Variants in NAV1 observed in about 807,000 individuals in gnomAD.
NAV1 encodes the protein pore membrane and/or filament interacting like protein 3.
Under a neutral mutation model 175.2 loss-of-function variants are expected in NAV1, and 18 were observed. The observed-to-expected ratio is 0.10, with a 90% CI of 0.07 to 0.15. The LOEUF (loss-of-function observed/expected upper bound fraction) is 0.15. Among genes scored for constraint, NAV1 ranks in the 10% least tolerant of loss-of-function variants. The pLI, the probability that NAV1 is intolerant of heterozygous loss-of-function variation, is 1.00. For synonymous variants in NAV1, 897 were observed against 978.7 expected, an observed-to-expected ratio of 0.92 and a Z score of 1.56; for missense variants, 1,731 against 2,436.6, an observed-to-expected ratio of 0.71 and a Z score of 6.10.
intron 1 of NAV1, among the ~76,000 whole-genome samples, chr1:201,678,263 C>T (rs1298986017): frequency 6.6e-6 from 1 of 152,230 alleles, no homozygotes; most frequent in Non-Finnish European, 1.5e-5. Context: ...CCTCCTACCT[C>T]TCAACGTAAG....
chr1:201,782,894 C>CACAA lies in NAV1; in HGVS notation c.2357+25_2357+26insACAA. 1.3e-6 allele frequency: 2 copies of CACAA among 1,533,038 alleles called. No homozygotes were observed. Among genetic ancestry groups the CACAA allele is most frequent in the Non-Finnish European group, 1.8e-6 (2 of 1,139,004 alleles). The allele number at this position is 1,533,038 out of a possible 1,614,324, so 95.0% of individuals were successfully genotyped here. A position where few individuals can be genotyped will look rare whatever the true frequency, so the allele number is the denominator to read the frequency against. On this transcript the variant is annotated intron_variant, in intron 6 of 29. Coordinates refer to ENST00000367296, the Ensembl canonical transcript of NAV1. This position sits in a 1 kb window ranked among gnomAD's most constrained non-coding sequence, Gnocchi z 5.4. ...GGTACCCAATGTGGGCAGCCGCCTC[C>CACAA]TTGTCTGTTTGCTTTGTCATTCTTT...
rs898345882 is a variant in NAV1, at chr1:201,623,415, T to C, written c.-292T>C. ...GCTGCCCAGGAAAAGACCAAAGAGATATAAACTACAAAAGTTCTGGGACCC... is the reference window on the plus strand; with the variant it reads ...GCTGCCCAGGAAAAGACCAAAGAGACATAAACTACAAAAGTTCTGGGACCC... On this transcript the variant is annotated 5_prime_UTR_variant, in exon 1 of 30. Transcript: ENST00000367302. 1.0e-5 allele frequency: 10 copies of C among 985,716 alleles called. No individual in the cohort carries two copies. The East Asian group carries it at 1.0e-3, about 101-fold the overall frequency. The allele number at this position is 985,716 out of a possible 1,614,324, so 61.1% of individuals were successfully genotyped here.
At chr1:201,596,033 C>A (rs990364916) in intron 2 of NAV1, among the ~76,000 whole-genome samples, 6 of 152,350 alleles carry the variant, frequency 3.9e-5, no homozygotes, top group African/African-American at 1.4e-4. Context: ...ATCTTAGCGA[C>A]CCCACGTCTT....
intron 20 of NAV1, 90 bp from the exon 25 acceptor site, chr1:201,809,074 C>CA: frequency 2.1e-6 from 3 of 1,402,550 alleles, no homozygotes; most frequent in Non-Finnish European, 2.0e-6. Context: ...CTGTGGCAAA[C>CA]AGAGTTATTT....
chr1:201,803,794 C>G, intron 16 of NAV1, 80 bp downstream of exon 20: 1 of 1,521,004 alleles, frequency 6.6e-7, no homozygotes, highest in Non-Finnish European at 8.9e-7. Flanking sequence ...TCGAATCCTT[C>G]CAGGATTAAC....
At chr1:201,815,841 C>T (rs1009264066) in intron 28 of NAV1, among the ~76,000 whole-genome samples, 1 of 152,062 alleles carries the variant, frequency 6.6e-6, no homozygotes, top group African/African-American at 2.4e-5. Flanking sequence ...CAGGTTCAAG[C>T]GATTCTCCTG....
rs1571855574 is a variant in NAV1, at chr1:201,636,046, G to A, written c.4+6539G>A. Among the ~76,000 whole-genome samples, 3 of 152,364 alleles carry A rather than the reference G, an allele frequency of 2.0e-5. No individual in the cohort carries two copies. The South Asian group carries it at 6.2e-4, about 32-fold the overall frequency. On this transcript the variant is annotated intron_variant, in intron 2 of 29. Transcript: ENST00000367302. ...CTCCCTACTTCTCTGGCCAATCCAG[G>A]TAAGCCTCACCTCCAGTGCAGCTCT... is the stretch of plus-strand genomic sequence containing the variant.
chr1:201,739,702 C>A (rs1187636220), intron 3 of NAV1: 2 of 997,228 alleles, frequency 2.0e-6, no homozygotes, highest in Non-Finnish European at 2.5e-6. Flanking sequence ...TCCGAGGCCA[C>A]CGGAACGGAG....
chr1:201,811,339 C>G (rs563126667), intron 24 of NAV1, among the ~76,000 whole-genome samples: 11 of 152,240 alleles, frequency 7.2e-5, no homozygotes, highest in African/African-American at 2.6e-4. Context: ...AGTAGTAGTC[C>G]ATGGTACCAG....
At chr1:201,577,472 ATTTTTTTTT>A (rs36112197) in intron 1 of NAV1, among the ~76,000 whole-genome samples, 45 of 97,912 alleles carry the variant, frequency 4.6e-4, no homozygotes, top group South Asian at 1.8e-3. Context: ...TGAGACTTAG[ATTTTTTTTT>A]TTTTTTTTTT....
intron 2 of NAV1, among the ~76,000 whole-genome samples, chr1:201,640,603 T>C (rs1668724767): frequency 6.6e-6 from 1 of 152,190 alleles, no homozygotes; most frequent in African/African-American, 2.4e-5. Context: ...CCCAAGGTCA[T>C]TCCTCTGAAG....
At position 201,718,945 on chromosome 1, in the gene NAV1, T is replaced by A. The variant is rs1672253714; in HGVS notation, c.1226+190T>A. Among the ~76,000 whole-genome samples, 1 of 152,036 alleles carries A rather than the reference T, an allele frequency of 6.6e-6. No individual in the cohort carries two copies. Among genetic ancestry groups the A allele is most frequent in the Non-Finnish European group, 1.5e-5 (1 of 67,990 alleles). On this transcript the variant is annotated intron_variant, in intron 3 of 29. Coordinates refer to ENST00000367296, the Ensembl canonical transcript of NAV1. This position sits in a 1 kb window ranked among gnomAD's most constrained non-coding sequence, Gnocchi z 4.8. ...CGATGTGGTTTATTCTAGACTTGGG[T>A]GTGGTGTAGGCAGGGCCTACATCCA...
At chr1:201,596,866 C>T (rs1053369953) in intron 2 of NAV1, among the ~76,000 whole-genome samples, 3 of 152,058 alleles carry the variant, frequency 2.0e-5, no homozygotes, top group Non-Finnish European at 4.4e-5. Context: ...GCTCTTGTTG[C>T]CCAGGCTGGA....
chr1:201,567,147 G>A (rs556501952), intron 1 of NAV1, among the ~76,000 whole-genome samples: 1 of 152,102 alleles, frequency 6.6e-6, no homozygotes, highest in Non-Finnish European at 1.5e-5. Context: ...GTGGCGGTTG[G>A]AAATCAGTAT....
intron 1 of NAV1, among the ~76,000 whole-genome samples, chr1:201,707,660 T>C (rs1671726537): frequency 6.6e-6 from 1 of 152,206 alleles, no homozygotes; most frequent in African/African-American, 2.4e-5. Flanking sequence ...GTTCTGACAC[T>C]GGAACAGAGA....
At position 201,808,929 on chromosome 1, in the gene NAV1, T is replaced by C. The variant is rs1264593302; in HGVS notation, c.4207+58T>C. 1 of 1,555,576 alleles carries C rather than the reference T, an allele frequency of 6.4e-7. No homozygotes were observed. The highest frequency in any genetic ancestry group is 1.4e-5 in the African/African-American group (1 of 73,526). On this transcript the variant is annotated intron_variant, in intron 20 of 29. Transcript: ENST00000367296. The surrounding 1 kb of genome is among the most constrained non-coding windows in gnomAD (Gnocchi z 5.5). ...AAGGGAAGAAAAGGGCTTATTTCAC[T>C]GTTACACCATTCCACTTGCTTTGGT...
At chr1:201,824,405 T>C (rs1479179600) in exon 30 of NAV1, 2 of 152,072 alleles carry the variant, frequency 1.3e-5, no homozygotes, top group African/African-American at 4.8e-5. Flanking sequence ...TTGCCCCTTA[T>C]AATCCAATCA....
At chr1:201,645,149 C>T (rs1468924458), upstream of NAV1, among the ~76,000 whole-genome samples, 1 of 152,046 alleles carries the variant, frequency 6.6e-6, no homozygotes, top group Non-Finnish European at 1.5e-5. Flanking sequence ...TTGGAACCAA[C>T]CTAAATGTCC....
chr1:201,800,376 G>T (rs1178944980), intron 15 of NAV1, among the ~76,000 whole-genome samples: 1 of 152,170 alleles, frequency 6.6e-6, no homozygotes, highest in African/African-American at 2.4e-5. Context: ...TTCTGAGGGG[G>T]AATGTAAACT....
Sources: allele counts gnomAD v4.1 joint callset (sites outside exome capture counted in the v4.1 genomes callset), GRCh38; gene constraint gnomAD v4.1.1; non-coding constraint Gnocchi (gnomAD v3.1); transcripts MANE v1.5; gene names NCBI Gene and HGNC (gene_info 2026-07-23, HGNC 2026-07-21).